The following COP1 variants were observed in gnomAD, a reference collection of about 807,000 sequenced individuals.
COP1 encodes COP1 E3 ubiquitin ligase.
In COP1, 24 loss-of-function variants were observed where a neutral mutation model predicts 101.3. The observed-to-expected ratio is 0.24, with a 90% CI of 0.17 to 0.33. The LOEUF is 0.33. Ranked by LOEUF, COP1 falls within the 10% of genes least tolerant of loss-of-function variation. The pLI, the probability that COP1 is intolerant of heterozygous loss-of-function variation, is 1.00. For missense variants in COP1, 663 were observed against 906.2 expected, an observed-to-expected ratio of 0.73 and a Z score of 3.45; for synonymous variants, 347 against 341.9, an observed-to-expected ratio of 1.01 and a Z score of -0.17.
rs1306563414 is a variant in COP1 at position 175,982,980 on chromosome 1, G to C, written c.2133+3963C>G. 3.9e-5 allele frequency among the ~76,000 whole-genome samples: 6 copies of C among 152,234 alleles called. No individual in the cohort carries two copies. In the South Asian group the frequency reaches 8.3e-4, roughly 21 times the overall value. ...TGTATTGCATAGCAGAGTGACTGTA[G>C]TTAATAATAATGTAGTGGATATTTC... On this transcript the variant is annotated intron_variant, in intron 18 of 19. Coordinates refer to ENST00000367669, the MANE Select transcript of COP1 (RefSeq NM_022457.7).
At chr1:175,952,648 C>A (rs1007170627) in intron 18 of COP1, among the ~76,000 whole-genome samples, 24 of 152,196 alleles carry the variant, frequency 1.6e-4, no homozygotes, top group African/African-American at 5.1e-4. Flanking sequence ...GTAGCTCACA[C>A]CTGCAATGCC....
At chr1:176,190,142 T>C (rs1698964132) in intron 1 of COP1, among the ~76,000 whole-genome samples, 2 of 152,106 alleles carry the variant, frequency 1.3e-5, no homozygotes, top group African/African-American at 2.4e-5. Flanking sequence ...TCATCCAAAA[T>C]GGTTGAGACC....
In COP1 at chr1:175,986,940, T is replaced by C; in HGVS notation, c.2133+3A>G. On this transcript the variant is annotated splice_donor_region_variant and intron_variant, in intron 18 of 19. Coordinates refer to ENST00000367669, the MANE Select transcript of COP1 (RefSeq NM_022457.7). ...AGGTGAAAAAACTGATATGAAAACTTACCCCATCTGGTAGTGCCCTCCAGC... is the reference window on the plus strand; with the variant it reads ...AGGTGAAAAAACTGATATGAAAACTCACCCCATCTGGTAGTGCCCTCCAGC... 1 of 1,582,154 alleles carries C rather than the reference T, an allele frequency of 6.3e-7. No individual in the cohort carries two copies. The highest frequency in any genetic ancestry group is 1.4e-5 in the African/African-American group (1 of 73,334).
chr1:176,023,256 A>G (rs1667069162), intron 15 of COP1, among the ~76,000 whole-genome samples: 1 of 152,248 alleles, frequency 6.6e-6, no homozygotes, highest in Non-Finnish European at 1.5e-5. Context: ...TACGGTGAAG[A>G]AACTAGCAAA....
intron 5 of COP1, among the ~76,000 whole-genome samples, chr1:176,149,327 T>G (rs1692060519): frequency 6.6e-6 from 1 of 152,068 alleles, no homozygotes; most frequent in Non-Finnish European, 1.5e-5. Flanking sequence ...TGAAAAATCT[T>G]TTCACGGATA....
chr1:176,199,512 T>C (rs1027770441), intron 1 of COP1, among the ~76,000 whole-genome samples: 1 of 152,046 alleles, frequency 6.6e-6, no homozygotes, highest in Admixed American at 6.5e-5. Context: ...AGCCAAAAAC[T>C]AGAAACAAGT....
chr1:176,174,092 T>G (rs75162337), intron 3 of COP1, among the ~76,000 whole-genome samples: 2 of 79,474 alleles, frequency 2.5e-5, no homozygotes, highest in African/African-American at 6.5e-5. Context: ...TATATAACTC[T>G]CTCTCACTAT....
Position 175,947,476 on chromosome 1 carries a change from T to A in COP1, c.2134-237A>T. On this transcript the variant is annotated intron_variant, in intron 18 of 19. Transcript: ENST00000367669. ...ACCTCCACTTCCTGGGTTCAAGCGATTCTCCTGCCTCAGCCTCCCGAGTAG... is the reference window on the plus strand; with the variant it reads ...ACCTCCACTTCCTGGGTTCAAGCGAATCTCCTGCCTCAGCCTCCCGAGTAG... The A allele has an allele frequency of 7.1e-6, 3 of 422,372 alleles. No homozygotes were observed. The South Asian group carries it at 7.9e-5, about 11-fold the overall frequency. 26.2% of individuals were successfully genotyped at this position (422,372 alleles called of 1,614,324 possible).
intron 15 of COP1, among the ~76,000 whole-genome samples, chr1:176,006,061 G>C (rs965119017): frequency 6.6e-6 from 1 of 152,194 alleles, no homozygotes; most frequent in Non-Finnish European, 1.5e-5. Context: ...ATTTAGGATA[G>C]TTAGCTCTTC....
chr1:176,019,071 C>T (rs985109822), intron 15 of COP1, among the ~76,000 whole-genome samples: 1 of 152,092 alleles, frequency 6.6e-6, no homozygotes, highest in Non-Finnish European at 1.5e-5. Flanking sequence ...AAGGCTGAGG[C>T]ACGAGAATCG....
intron 15 of COP1, among the ~76,000 whole-genome samples, chr1:176,026,169 C>T (rs899013905): frequency 6.6e-6 from 1 of 151,938 alleles, no homozygotes; most frequent in African/African-American, 2.4e-5. Context: ...AAGTAGGTTC[C>T]TATTTTCCAA....
At chr1:176,038,802 A>G (rs1231831234) in intron 14 of COP1, among the ~76,000 whole-genome samples, 1 of 142,262 alleles carries the variant, frequency 7.0e-6, no homozygotes, top group Non-Finnish European at 1.5e-5. Context: ...TGAGCAACAG[A>G]GCTAGACTCC....
intron 8 of COP1, among the ~76,000 whole-genome samples, chr1:176,133,233 TATGTACGTAG>T (rs1689231126): frequency 6.6e-6 from 1 of 150,602 alleles, no homozygotes; most frequent in African/African-American, 2.4e-5. Flanking sequence ...TACGTACGTA[TATGTACGTAG>T]GTACACACAT....
At chr1:176,133,230 G>GTA (rs1330465332) in intron 8 of COP1, among the ~76,000 whole-genome samples, 3 of 138,432 alleles carry the variant, frequency 2.2e-5, no homozygotes, top group African/African-American at 5.2e-5. Flanking sequence ...ATATACGTAC[G>GTA]TATATGTACG....
chr1:176,145,838 A>G (rs1333364907), intron 6 of COP1, among the ~76,000 whole-genome samples: 1 of 152,194 alleles, frequency 6.6e-6, no homozygotes, highest in Non-Finnish European at 1.5e-5. Flanking sequence ...AGTGACTGCC[A>G]TAATTATCAG....
At chr1:176,205,784 C>T (rs1476746824) in intron 1 of COP1, among the ~76,000 whole-genome samples, 3 of 152,190 alleles carry the variant, frequency 2.0e-5, no homozygotes, top group African/African-American at 7.2e-5. Flanking sequence ...CCAACTATGA[C>T]GACAAAATGT....
rs192676962 is a variant in COP1, at chr1:176,082,218, A to C, written c.1142-931T>G. ...AACAATGAGCACTTTAGTTTCCTAGACTGAAACTGAGACAAGTTTGTTATA... is the reference window on the plus strand; with the variant it reads ...AACAATGAGCACTTTAGTTTCCTAGCCTGAAACTGAGACAAGTTTGTTATA... On this transcript the variant is annotated intron_variant, in intron 10 of 19. Coordinates refer to ENST00000367669, the MANE Select transcript of COP1 (RefSeq NM_022457.7). Among the ~76,000 whole-genome samples, 3 of 152,312 alleles carry C rather than the reference A, an allele frequency of 2.0e-5. No individual in the cohort carries two copies. In the East Asian group the frequency reaches 5.8e-4, roughly 29 times the overall value.
chr1:176,041,099 G>A (rs370360485), intron 14 of COP1, among the ~76,000 whole-genome samples: 2 of 152,058 alleles, frequency 1.3e-5, no homozygotes, highest in East Asian at 3.8e-4. Flanking sequence ...GATGAACTTC[G>A]TTAAGAGATT....
At chr1:176,166,580 T>C (rs922984863) in intron 3 of COP1, among the ~76,000 whole-genome samples, 6 of 152,264 alleles carry the variant, frequency 3.9e-5, no homozygotes, top group African/African-American at 1.2e-4. Flanking sequence ...CGAAGTTTTT[T>C]ACTACTGTAT....
Sources: allele counts gnomAD v4.1 joint callset (sites outside exome capture counted in the v4.1 genomes callset), GRCh38; gene constraint gnomAD v4.1.1; transcripts MANE v1.5; gene names NCBI Gene and HGNC (gene_info 2026-07-23, HGNC 2026-07-21).